The following ZNF536 variants were observed in gnomAD, a reference collection of about 807,000 sequenced individuals.
ZNF536 encodes the protein zinc finger protein 536.
ZNF536 carries 13 observed loss-of-function variants against 84.5 expected under a neutral mutation model. The observed-to-expected ratio is 0.15, with a 90% CI of 0.10 to 0.24. The LOEUF is 0.24. Ranked by LOEUF, ZNF536 falls within the 10% of genes least tolerant of loss-of-function variation. The pLI, the probability that ZNF536 is intolerant of heterozygous loss-of-function variation, is 1.00. For synonymous variants in ZNF536, 811 were observed against 742.5 expected (o/e 1.09, Z -1.50); for missense variants, 1,536 against 1,747.5 (o/e 0.88, Z 2.16).
chr19:30,439,959 C>CTTTTTTTTT (rs199638233), intron 1 of ZNF536, among the ~76,000 whole-genome samples: 63 of 96,392 alleles, frequency 6.5e-4, no homozygotes, highest in Non-Finnish European at 8.4e-4. Context: ...TTCTTTCTTT[C>CTTTTTTTTT]TTTTTTTTTT....
intron 2 of ZNF536, among the ~76,000 whole-genome samples, chr19:30,486,436 C>A (rs1327921734): frequency 2.6e-5 from 4 of 152,118 alleles, no homozygotes; most frequent in African/African-American, 9.7e-5. Context: ...TGACCTCATT[C>A]CTTTTTATGG....
chr19:30,582,375 CT>C (rs35509271), intron 1 of ZNF536, among the ~76,000 whole-genome samples: 4,263 of 89,058 alleles, frequency 0.048, 55 homozygotes, highest in Middle Eastern at 0.12. Flanking sequence ...CCTAGTTTCT[CT>C]TTTTTTTTTT....
intron 2 of ZNF536, among the ~76,000 whole-genome samples, chr19:30,340,554 CCTTGGAGGGGT>C (rs1361818093): frequency 6.6e-6 from 1 of 152,150 alleles, no homozygotes; most frequent in Non-Finnish European, 1.5e-5. Flanking sequence ...TCTTCTTGCA[CCTTGGAGGGGT>C]CTTTTCATCT....
intron 1 of ZNF536, among the ~76,000 whole-genome samples, chr19:30,434,339 A>G (rs1171874419): frequency 1.3e-5 from 2 of 152,106 alleles, no homozygotes; most frequent in African/African-American, 4.8e-5. Flanking sequence ...TGTCTGCCCC[A>G]CTTGATTTCA....
rs2148205210 is a variant in ZNF536, at chr19:30,444,945, G to A, written c.1383G>A (p.Lys461=). Residue 461 remains lysine (K), a synonymous_variant, in exon 2 of 5, where the codon AAG becomes AAA. Transcript: ENST00000355537. ...QLYGKGELPM[K]EKEALGKLLS... ...ATGGCAAGGGCGAGCTGCCCATGAA[G>A]GAGAAGGAAGCGCTGGGGAAGCTGC... The A allele has an allele frequency of 6.2e-7, 1 of 1,611,864 alleles. No homozygotes were observed. The highest frequency in any genetic ancestry group is 8.5e-7 in the Non-Finnish European group (1 of 1,179,184).
At chr19:30,325,535 G>A (rs1018614854) in intron 2 of ZNF536, among the ~76,000 whole-genome samples, 1 of 152,218 alleles carries the variant, frequency 6.6e-6, no homozygotes, top group Non-Finnish European at 1.5e-5. Context: ...TGTGCATGGA[G>A]AGCTGTGAAA....
intron 1 of ZNF536, among the ~76,000 whole-genome samples, chr19:30,565,418 G>A (rs930242858): frequency 3.3e-5 from 5 of 152,088 alleles, no homozygotes; most frequent in African/African-American, 9.7e-5. Context: ...CCACCCTCCT[G>A]TGAAGCCCGC....
chr19:30,644,969 C>T (rs59653348), intron 1 of ZNF536, among the ~76,000 whole-genome samples: 2,405 of 151,924 alleles, frequency 0.016, 57 homozygotes, highest in African/African-American at 0.056. Flanking sequence ...GTTGAACTAG[C>T]TTACAGTCCC....
At chr19:30,647,444 T>C (rs1051998255) in intron 1 of ZNF536, among the ~76,000 whole-genome samples, 8 of 152,214 alleles carry the variant, frequency 5.3e-5, no homozygotes, top group African/African-American at 1.7e-4. Flanking sequence ...TCCCATCTGC[T>C]CCCGGAGTTA....
chr19:30,345,396 TTTATGGCACTGGG>T (rs1232092552), intron 2 of ZNF536, among the ~76,000 whole-genome samples: 1 of 152,256 alleles, frequency 6.6e-6, no homozygotes, highest in East Asian at 1.9e-4. Context: ...CTGGCTTTTA[TTTATGGCACTGGG>T]ATATAAAATT....
At chr19:30,270,788 A>C (rs1313080276) in intron 1 of ZNF536, among the ~76,000 whole-genome samples, 1 of 151,942 alleles carries the variant, frequency 6.6e-6, no homozygotes, top group African/African-American at 2.4e-5. Flanking sequence ...TGCTTTTCTA[A>C]AGCTATGTGC....
At chr19:30,353,938 G>A (rs183354811) in intron 3 of ZNF536, among the ~76,000 whole-genome samples, 37 of 152,224 alleles carry the variant, frequency 2.4e-4, no homozygotes, top group African/African-American at 7.5e-4. Context: ...GGCTTCCTCC[G>A]GGGGCAGTGA....
intron 1 of ZNF536, among the ~76,000 whole-genome samples, chr19:30,264,930 C>CGTGTGTGTGTGT (rs71333450): frequency 7.4e-6 from 1 of 135,612 alleles, no homozygotes; most frequent in African/African-American, 2.8e-5. Context: ...TGTCAATAGT[C>CGTGTGTGTGTGT]GTGTGTGTGT....
chr19:30,504,594 C>T (rs1357844925), intron 2 of ZNF536, among the ~76,000 whole-genome samples: 2 of 139,214 alleles, frequency 1.4e-5, no homozygotes, highest in East Asian at 4.7e-4. Flanking sequence ...CCTTCCCTCT[C>T]TCCAACTCTT....
chr19:30,641,483 T>A (rs936698936), intron 1 of ZNF536, among the ~76,000 whole-genome samples: 1 of 152,220 alleles, frequency 6.6e-6, no homozygotes, highest in Non-Finnish European at 1.5e-5. Context: ...AAAACGTATA[T>A]GTATAAACGT....
At chr19:30,329,812 A>T (rs566666169) in intron 2 of ZNF536, among the ~76,000 whole-genome samples, 125 of 152,138 alleles carry the variant, frequency 8.2e-4, no homozygotes, top group Non-Finnish European at 1.4e-3. Context: ...TCTGGGGCAT[A>T]AGTTAACTTA....
chr19:30,398,278 A>G (rs1042081873), intron 1 of ZNF536, among the ~76,000 whole-genome samples: 1 of 152,014 alleles, frequency 6.6e-6, no homozygotes, highest in African/African-American at 2.4e-5. Flanking sequence ...CCGTGCCCCA[A>G]CCATCCCTAG....
At chr19:30,509,149 A>G (rs865940282) in intron 2 of ZNF536, among the ~76,000 whole-genome samples, 1 of 150,974 alleles carries the variant, frequency 6.6e-6, no homozygotes, top group Non-Finnish European at 1.5e-5. Flanking sequence ...CTGTGATTTT[A>G]AATGGTGGGA....
intron 1 of ZNF536, among the ~76,000 whole-genome samples, chr19:30,428,246 G>A (rs2051299306): frequency 6.6e-6 from 1 of 152,238 alleles, no homozygotes; most frequent in Non-Finnish European, 1.5e-5. Flanking sequence ...GATGGTGACA[G>A]GGGAAGGAGG....
Sources: allele counts gnomAD v4.1 joint callset (sites outside exome capture counted in the v4.1 genomes callset), GRCh38; gene constraint gnomAD v4.1.1; transcripts MANE v1.5; gene names NCBI Gene and HGNC (gene_info 2026-07-23, HGNC 2026-07-21).